The following UBN1 variants were observed in gnomAD, a reference collection of about 807,000 sequenced individuals.
UBN1 encodes ubinuclein 1, also known as ubinuclein-1.
In UBN1, 17 loss-of-function variants were observed where a neutral mutation model predicts 108.5. The observed-to-expected ratio is 0.16, with a 90% confidence interval of 0.11 to 0.24. The LOEUF (loss-of-function observed/expected upper bound fraction) is 0.24, where lower values mean the gene tolerates loss of function less well. UBN1 is among the 10% of genes least tolerant of loss of function. The probability of loss-of-function intolerance (pLI) is 1.00; values close to 1 mark genes in which losing one functional copy is unlikely to be tolerated. For missense variants in UBN1, 1,595 were observed against 1,394.4 expected (o/e 1.14, Z -2.29); for synonymous variants, 726 against 564.2 (o/e 1.29, Z -4.07).
At chr16:4,852,827 A>T in intron 1 of UBN1, 52 bp from the exon 2 acceptor site, 1 of 1,460,076 alleles carries the variant, frequency 6.8e-7, no homozygotes, top group South Asian at 1.4e-5. Context: ...TTAGGCAGGT[A>T]AACTATTTTA....
At position 4,880,517 on chromosome 16, in the gene UBN1, C is replaced by T. The variant is rs1368848503; in HGVS notation, c.*385C>T. 3.4e-5 allele frequency: 7 copies of T among 207,072 alleles called. No homozygotes were observed. The highest frequency in any genetic ancestry group is 6.7e-5 in the African/African-American group (3 of 44,844). 12.8% of individuals were successfully genotyped at this position (207,072 alleles called of 1,614,324 possible). A position where few individuals can be genotyped will look rare whatever the true frequency, so the allele number is the denominator to read the frequency against. On this transcript the variant is annotated 3_prime_UTR_variant, in exon 18 of 18. Transcript: ENST00000262376. ...GGCATTTGGTCAGAGTACCTCAGAG[C>T]ACCCCACTGCTCAGGGGCTCCTTCT...
intron 6 of UBN1, 64 bp downstream of exon 6, chr16:4,860,032 C>T (rs1401972245): frequency 1.4e-5 from 22 of 1,593,362 alleles, no homozygotes; most frequent in Middle Eastern, 1.8e-4. Context: ...CGACTGGGAG[C>T]TGACTCACCT....
At chr16:4,860,554 G>A (rs2087012467) in intron 6 of UBN1, 110 bp from the exon 7 acceptor site, 1 of 1,136,464 alleles carries the variant, frequency 8.8e-7, no homozygotes, top group East Asian at 2.4e-5. Flanking sequence ...AGGGTGGACT[G>A]TGACAGGTTC....
intron 14 of UBN1, among the ~76,000 whole-genome samples, chr16:4,873,996 C>G: frequency 6.6e-6 from 1 of 152,188 alleles, no homozygotes; most frequent in East Asian, 1.9e-4. Flanking sequence ...GGGGTAAACC[C>G]AGCCCTGGCC....
intron 2 of UBN1, among the ~76,000 whole-genome samples, chr16:4,854,708 G>A (rs1232031623): frequency 6.7e-6 from 1 of 149,692 alleles, no homozygotes; most frequent in Non-Finnish European, 1.5e-5. Context: ...TGGTATTTGA[G>A]TACCGCCTAG....
chr16:4,872,369 T>C (rs2087685061), intron 12 of UBN1: 2 of 984,024 alleles, frequency 2.0e-6, no homozygotes, highest in Non-Finnish European at 2.4e-6. Flanking sequence ...AAGGCCAGAC[T>C]CAGCCTTTGG....
At chr16:4,848,593 G>A (rs2086338715) in intron 1 of UBN1, among the ~76,000 whole-genome samples, 1 of 152,174 alleles carries the variant, frequency 6.6e-6, no homozygotes, top group African/African-American at 2.4e-5. Context: ...GGGTCGTCCC[G>A]CAGCCTGATT....
intron 7 of UBN1, among the ~76,000 whole-genome samples, chr16:4,862,571 C>G (rs1018943955): frequency 2.6e-5 from 4 of 152,158 alleles, no homozygotes; most frequent in African/African-American, 9.7e-5. Context: ...TCCTCTGGTT[C>G]GTAATCAAAT....
At chr16:4,852,854 T>C (rs774853825) in intron 1 of UBN1, 25 bp from the exon 2 acceptor site, 1 of 1,539,774 alleles carries the variant, frequency 6.5e-7, no homozygotes, top group Non-Finnish European at 8.8e-7. Flanking sequence ...TCGTTTGACC[T>C]GGCCCTTCTT....
At chr16:4,870,170 G>T (rs369459904) in intron 8 of UBN1, 42 bp from the exon 9 acceptor site, 231 of 1,612,550 alleles carry the variant, frequency 1.4e-4, no homozygotes, top group Non-Finnish European at 1.9e-4. Flanking sequence ...GACAGGAGTT[G>T]CAGTGAGCTG....
At position 4,877,737 on chromosome 16, in the gene UBN1, G is replaced by A; in HGVS notation, c.3355+263G>A. ...AGGGAAAGTTGCGGGGGGCAGGGTG[G>A]TGCGCTTTTGTGTGCGGTGGAGGAG... On this transcript the variant is annotated intron_variant, in intron 17 of 17. Transcript: ENST00000262376. This position sits in a 1 kb window ranked among gnomAD's most constrained non-coding sequence, Gnocchi z 4.3. The A allele has an allele frequency of 8.4e-7, 1 of 1,195,108 alleles. No individual in the cohort carries two copies. Among genetic ancestry groups the A allele is most frequent in the Non-Finnish European group, 1.0e-6 (1 of 964,888 alleles). 74.0% of individuals were successfully genotyped at this position (1,195,108 alleles called of 1,614,324 possible).
chr16:4,875,926 C>G (rs184298179), intron 15 of UBN1, among the ~76,000 whole-genome samples: 1 of 151,006 alleles, frequency 6.6e-6, no homozygotes, highest in Non-Finnish European at 1.5e-5. Flanking sequence ...ACAGCAGGTT[C>G]GGGAAGAGGG....
chr16:4,861,147 G>A (rs1031474527), intron 7 of UBN1, 45 bp downstream of exon 7: 7 of 1,562,268 alleles, frequency 4.5e-6, no homozygotes, highest in Non-Finnish European at 4.3e-6. Flanking sequence ...AGCAGTTTGG[G>A]CAGATTGCTG....
At chr16:4,858,743 G>A (rs2086919610) in intron 4 of UBN1, 80 bp downstream of exon 4, 1 of 1,412,236 alleles carries the variant, frequency 7.1e-7, no homozygotes, top group South Asian at 1.2e-5. Context: ...GCTGGGGGTG[G>A]GGTCAGAGCA....
chr16:4,868,712 T>G, intron 7 of UBN1, 121 bp from the exon 8 acceptor site: 1 of 846,092 alleles, frequency 1.2e-6, no homozygotes, highest in Non-Finnish European at 1.8e-6. Context: ...GTTGGAAAGG[T>G]GGCGGTGTGA....
At chr16:4,859,737 C>G in intron 5 of UBN1, 128 bp from the exon 6 acceptor site, 1 of 1,457,136 alleles carries the variant, frequency 6.9e-7, no homozygotes, top group Non-Finnish European at 9.1e-7. Flanking sequence ...GATCTGAGAG[C>G]TTTTGTTCAT....
rs193053975 is a variant in UBN1, at chr16:4,880,304, C to T, written c.*172C>T. On this transcript the variant is annotated 3_prime_UTR_variant, in exon 18 of 18. Transcript: ENST00000262376. Reference sequence around the variant, plus strand: ...CTGATGTGCCTCCCATGGAGGGAGCCGGGCCCTTGCTGCTCAGGAGGTGCA... The same window carrying T: ...CTGATGTGCCTCCCATGGAGGGAGCTGGGCCCTTGCTGCTCAGGAGGTGCA... 1.4e-4 allele frequency: 97 copies of T among 694,976 alleles called. No homozygotes were observed. In the Middle Eastern group the frequency reaches 2.9e-3, roughly 21 times the overall value. 43.1% of individuals were successfully genotyped at this position (694,976 alleles called of 1,614,324 possible).
At chr16:4,865,579 G>T (rs2087289986) in intron 7 of UBN1, among the ~76,000 whole-genome samples, 1 of 152,112 alleles carries the variant, frequency 6.6e-6, no homozygotes, top group African/African-American at 2.4e-5. Context: ...GCTGAGGCGG[G>T]AGGATTATTT....
At position 4,877,483 on chromosome 16, in the gene UBN1, C is replaced by CCGA; in HGVS notation, c.3355+12_3355+14dup. On this transcript the variant is annotated intron_variant, in intron 17 of 17. Transcript: ENST00000262376. This position sits in a 1 kb window ranked among gnomAD's most constrained non-coding sequence, Gnocchi z 4.3. ...CCCGCAGAGTCTGCCAGGTAATCAC[C>CCGA]CGACGGTCAGTGTGCCACGCGCACC... The CCGA allele has an allele frequency of 6.2e-7, 1 of 1,607,330 alleles. No homozygotes were observed. Among genetic ancestry groups the CCGA allele is most frequent in the South Asian group, 1.1e-5 (1 of 90,780 alleles).
Sources: allele counts gnomAD v4.1 joint callset (sites outside exome capture counted in the v4.1 genomes callset), GRCh38; gene constraint gnomAD v4.1.1; non-coding constraint Gnocchi (gnomAD v3.1); transcripts MANE v1.5; gene names NCBI Gene and HGNC (gene_info 2026-07-23, HGNC 2026-07-21).